DOCK3: variants seen among roughly 807,000 people sequenced by gnomAD.
The protein encoded by DOCK3 is dedicator of cytokinesis 3.
In DOCK3, 60 loss-of-function variants were observed where a neutral mutation model predicts 265.6. The ratio of observed to expected loss-of-function variants is 0.23; its 90% CI spans 0.18 to 0.28. DOCK3 has a LOEUF of 0.28. Among genes scored for constraint, DOCK3 ranks in the 10% least tolerant of loss-of-function variants. DOCK3 has a pLI of 1.00. For synonymous variants in DOCK3, 881 were observed against 938.0 expected (o/e 0.94, Z 1.11); for missense variants, 1,981 against 2,594.3 (o/e 0.76, Z 5.14).
intron 5 of DOCK3, among the ~76,000 whole-genome samples, chr3:51,017,339 A>G (rs2079389942): frequency 6.6e-6 from 1 of 150,740 alleles, no homozygotes; most frequent in South Asian, 2.1e-4. Flanking sequence ...TTCATTGATC[A>G]TTTGTATTTT....
intron 12 of DOCK3, among the ~76,000 whole-genome samples, chr3:51,189,898 A>G (rs2087840990): frequency 6.6e-6 from 1 of 152,140 alleles, no homozygotes; most frequent in Admixed American, 6.5e-5. Context: ...CCTTTTCACC[A>G]CATTCCAGAA....
intron 2 of DOCK3, among the ~76,000 whole-genome samples, chr3:50,782,673 G>A (rs1056602977): frequency 4.1e-4 from 62 of 151,188 alleles, no homozygotes; most frequent in African/African-American, 1.5e-3. Context: ...GGGAACAAGT[G>A]GTGTTTGGTT....
chr3:51,262,103 C>T (rs868858027), intron 23 of DOCK3, among the ~76,000 whole-genome samples: 28 of 152,350 alleles, frequency 1.8e-4, no homozygotes, highest in African/African-American at 6.7e-4. Flanking sequence ...TCCCTTACCC[C>T]CGTGCCTCCT....
At chr3:50,682,402 C>T (rs2034478089) in intron 1 of DOCK3, among the ~76,000 whole-genome samples, 1 of 152,174 alleles carries the variant, frequency 6.6e-6, no homozygotes, top group Non-Finnish European at 1.5e-5. Flanking sequence ...GAGTGCCTTT[C>T]CCCCATGTCT....
At chr3:51,111,435 C>A (rs1471725860) in intron 9 of DOCK3, among the ~76,000 whole-genome samples, 2 of 152,170 alleles carry the variant, frequency 1.3e-5, no homozygotes, top group East Asian at 1.9e-4. Context: ...TATACACCTA[C>A]AACTATCTGC....
At chr3:50,967,603 G>T (rs778879158) in intron 5 of DOCK3, among the ~76,000 whole-genome samples, 2 of 152,132 alleles carry the variant, frequency 1.3e-5, no homozygotes, top group African/African-American at 4.8e-5. Flanking sequence ...TCACAGTTTC[G>T]CATGGTTAGG....
intron 26 of DOCK3, 151 bp from the exon 27 acceptor site, chr3:51,279,955 A>C (rs1288515890): frequency 3.1e-6 from 2 of 637,604 alleles, no homozygotes; most frequent in Non-Finnish European, 5.5e-6. Flanking sequence ...CTTAGCAGAA[A>C]ATAAAGCTTT....
intron 22 of DOCK3, among the ~76,000 whole-genome samples, chr3:51,249,588 CGGGA>C (rs1459122876): frequency 8.1e-6 from 1 of 122,800 alleles, no homozygotes; most frequent in Non-Finnish European, 1.8e-5. Context: ...CCGCCCAGTC[CGGGA>C]GGGAGGTGGG....
intron 7 of DOCK3, among the ~76,000 whole-genome samples, chr3:51,081,850 C>T (rs922256620): frequency 3.4e-5 from 5 of 148,072 alleles, no homozygotes; most frequent in Admixed American, 2.0e-4. Context: ...GAGCCTAGAT[C>T]GCGCCACTGG....
chr3:50,821,393 G>A (rs370211334), intron 2 of DOCK3, among the ~76,000 whole-genome samples: 4 of 151,736 alleles, frequency 2.6e-5, no homozygotes, highest in African/African-American at 7.2e-5. Context: ...TCCGCCTCCC[G>A]GGTTCACGCC....
chr3:51,241,730 A>G (rs1350822729), intron 21 of DOCK3, among the ~76,000 whole-genome samples: 10 of 152,140 alleles, frequency 6.6e-5, no homozygotes, highest in Admixed American at 3.9e-4. Context: ...AATACTTGCA[A>G]TTGCATTCTG....
intron 9 of DOCK3, among the ~76,000 whole-genome samples, chr3:51,092,195 A>T (rs1334206375): frequency 6.6e-6 from 1 of 152,198 alleles, no homozygotes; most frequent in Non-Finnish European, 1.5e-5. Flanking sequence ...TGCTGAAGCC[A>T]GGAAGCCAAG....
intron 5 of DOCK3, among the ~76,000 whole-genome samples, chr3:51,056,686 C>T (rs571373541): frequency 1.3e-5 from 2 of 151,962 alleles, no homozygotes; most frequent in Non-Finnish European, 2.9e-5. Flanking sequence ...TGAGAAGAGA[C>T]TTGAAGATTA....
At chr3:51,092,707 A>G (rs557264107) in intron 9 of DOCK3, among the ~76,000 whole-genome samples, 18 of 152,152 alleles carry the variant, frequency 1.2e-4, no homozygotes, top group African/African-American at 4.1e-4. Context: ...ACCCCCATAT[A>G]TCCTGACTGG....
In DOCK3 at chr3:51,270,808, T is replaced by C; in HGVS notation, c.2356-7T>C. ...TGTGCTAACCACAGCTTCATTTGCT[T>C]CTGCAGGCTGCACTCCTCAATTCTT... On this transcript the variant is annotated splice_polypyrimidine_tract_variant and splice_region_variant and intron_variant, in intron 23 of 52. Coordinates refer to ENST00000266037, the MANE Select transcript of DOCK3 (RefSeq NM_004947.5). The C allele has an allele frequency of 1.1e-5, 18 of 1,611,636 alleles. No individual in the cohort carries two copies. Among genetic ancestry groups the C allele is most frequent in the Non-Finnish European group, 1.4e-5 (17 of 1,178,662 alleles).
Position 50,738,891 on chromosome 3 carries a change from C to T in DOCK3, c.38-39784C>T, listed in dbSNP as rs1438898801. Among the ~76,000 whole-genome samples, 5 of 152,142 alleles carry T rather than the reference C, an allele frequency of 3.3e-5. No individual in the cohort carries two copies. The South Asian group carries it at 1.0e-3, about 32-fold the overall frequency. ...AGTCTTAAACCATCATATTTCATAT[C>T]TCCGTTGGTAGGCTTTTTTCATTGT... On this transcript the variant is annotated intron_variant, in intron 1 of 52. Transcript: ENST00000266037.
intron 22 of DOCK3, among the ~76,000 whole-genome samples, chr3:51,253,181 T>C (rs1004884504): frequency 6.6e-6 from 1 of 152,240 alleles, no homozygotes; most frequent in African/African-American, 2.4e-5. Flanking sequence ...GGTTTGCATA[T>C]GTTGAACCAG....
At chr3:50,975,373 G>A (rs1376429054) in intron 5 of DOCK3, among the ~76,000 whole-genome samples, 1 of 150,452 alleles carries the variant, frequency 6.6e-6, no homozygotes, top group South Asian at 2.1e-4. Context: ...TTTGTCAAAG[G>A]CCTTTTCCGC....
chr3:51,316,605 G>A (rs772015311), intron 32 of DOCK3, among the ~76,000 whole-genome samples: 5 of 152,262 alleles, frequency 3.3e-5, no homozygotes, highest in South Asian at 2.1e-4. Context: ...CGATTGCTCC[G>A]CATACTAACC....
Sources: allele counts gnomAD v4.1 joint callset (sites outside exome capture counted in the v4.1 genomes callset), GRCh38; gene constraint gnomAD v4.1.1; transcripts MANE v1.5; gene names NCBI Gene and HGNC (gene_info 2026-07-23, HGNC 2026-07-21).